Variants in HIBADH observed in about 807,000 individuals in gnomAD.
HIBADH encodes 3-hydroxyisobutyrate dehydrogenase, mitochondrial.
In HIBADH, 25 loss-of-function variants were observed where a neutral mutation model predicts 36.1. The ratio of observed to expected loss-of-function variants is 0.69; its 90% CI spans 0.50 to 0.97. The LOEUF (loss-of-function observed/expected upper bound fraction) is 0.97. Among genes scored for constraint, HIBADH ranks in the 50% least tolerant of loss-of-function variants. HIBADH has a pLI of 0.00. For synonymous variants in HIBADH, 160 were observed against 149.5 expected (o/e 1.07, Z -0.51); for missense variants, 421 against 418.0 (o/e 1.01, Z -0.06).
intron 4 of HIBADH, among the ~76,000 whole-genome samples, chr7:27,568,767 C>T (rs1407641457): frequency 6.6e-6 from 1 of 152,078 alleles, no homozygotes; most frequent in Non-Finnish European, 1.5e-5. Flanking sequence ...CAGCACCCAG[C>T]CAACATTTTT....
chr7:27,611,507 C>T (rs1785321500), intron 4 of HIBADH, among the ~76,000 whole-genome samples: 1 of 120,970 alleles, frequency 8.3e-6, no homozygotes, highest in Admixed American at 8.8e-5. Context: ...CGCACACACA[C>T]ACACCCACCC....
At chr7:27,597,412 C>G (rs140220032) in intron 4 of HIBADH, among the ~76,000 whole-genome samples, 102 of 150,758 alleles carry the variant, frequency 6.8e-4, no homozygotes, top group Non-Finnish European at 1.2e-3. Flanking sequence ...TTATTGGGTA[C>G]CAAAGTGTAG....
At chr7:27,549,322 C>T (rs550965767) in intron 4 of HIBADH, among the ~76,000 whole-genome samples, 3 of 152,180 alleles carry the variant, frequency 2.0e-5, no homozygotes, top group East Asian at 1.9e-4. Context: ...TTAATTAGTT[C>T]GGTTTAGCCA....
intron 4 of HIBADH, among the ~76,000 whole-genome samples, chr7:27,599,268 T>C (rs1208741139): frequency 6.6e-6 from 1 of 152,128 alleles, no homozygotes; most frequent in Non-Finnish European, 1.5e-5. Context: ...AGGATTAAAA[T>C]GAAAGAACAT....
Position 27,558,575 on chromosome 7 carries a change from C to T in HIBADH, c.485-15475G>A, listed in dbSNP as rs75673287. Reference sequence around the variant, plus strand: ...CTCCTAAGCTCAAGCAATCCACCTGCGGTCCCAGCTACATAGGAGGCTGAG... The same window carrying T: ...CTCCTAAGCTCAAGCAATCCACCTGTGGTCCCAGCTACATAGGAGGCTGAG... On this transcript the variant is annotated intron_variant, in intron 4 of 7. Transcript: ENST00000265395. Among the ~76,000 whole-genome samples, 746 of 152,154 alleles carry T rather than the reference C, an allele frequency of 4.9e-3. 1 individual carries two copies. The highest frequency in any genetic ancestry group is 7.6e-3 in the Non-Finnish European group (516 of 67,988).
At chr7:27,566,945 G>A (rs1784555789) in intron 4 of HIBADH, among the ~76,000 whole-genome samples, 1 of 152,116 alleles carries the variant, frequency 6.6e-6, no homozygotes, top group Non-Finnish European at 1.5e-5. Flanking sequence ...GGGTGGTTTT[G>A]ATCCAGGATA....
intron 2 of HIBADH, among the ~76,000 whole-genome samples, chr7:27,633,626 T>A (rs1320406045): frequency 6.6e-6 from 1 of 152,054 alleles, no homozygotes; most frequent in Non-Finnish European, 1.5e-5. Flanking sequence ...GCCACCATAC[T>A]CCAGCCTGCC....
chr7:27,660,935 T>C (rs1277016279), intron 1 of HIBADH, among the ~76,000 whole-genome samples: 1 of 152,104 alleles, frequency 6.6e-6, no homozygotes, highest in Non-Finnish European at 1.5e-5. Context: ...AAAAGGTACA[T>C]CAAGGGTTCA....
intron 3 of HIBADH, among the ~76,000 whole-genome samples, chr7:27,630,146 A>G (rs1181907529): frequency 6.6e-6 from 1 of 152,186 alleles, no homozygotes. Flanking sequence ...GGCAGTGTCT[A>G]TCTTCACTAG....
rs182955028 is a variant in HIBADH at position 27,552,001 on chromosome 7, C to A, written c.485-8901G>T. On this transcript the variant is annotated intron_variant, in intron 4 of 7. Coordinates refer to ENST00000265395, the MANE Select transcript of HIBADH (RefSeq NM_152740.4). ...CTATGGTGTCTCTATTGTTTACCAG[C>A]GACATTCGCAGAAAAAGGCGACAGC... Among the ~76,000 whole-genome samples, 458 of 152,284 alleles carry A rather than the reference C, an allele frequency of 3.0e-3. 2 individuals are homozygous for A. Among genetic ancestry groups the A allele is most frequent in the Non-Finnish European group, 5.2e-3 (354 of 68,032 alleles).
At chr7:27,597,727 C>G (rs1785054947) in intron 4 of HIBADH, among the ~76,000 whole-genome samples, 1 of 152,088 alleles carries the variant, frequency 6.6e-6, no homozygotes, top group African/African-American at 2.4e-5. Flanking sequence ...CTGCTGCTAT[C>G]TTATTTTGCT....
chr7:27,545,158 T>G (rs1784218680), intron 4 of HIBADH, among the ~76,000 whole-genome samples: 1 of 152,168 alleles, frequency 6.6e-6, no homozygotes, highest in Non-Finnish European at 1.5e-5. Context: ...AGACCTAAAT[T>G]AGCTAGGCAT....
intron 5 of HIBADH, among the ~76,000 whole-genome samples, chr7:27,541,415 G>GT (rs1784149932): frequency 1.3e-5 from 2 of 152,064 alleles, no homozygotes; most frequent in South Asian, 4.1e-4. Flanking sequence ...CATATTAGAT[G>GT]TAAGTATGCC....
intron 4 of HIBADH, among the ~76,000 whole-genome samples, chr7:27,593,836 A>G (rs1784982376): frequency 1.3e-5 from 2 of 152,010 alleles, no homozygotes. Context: ...TCAAATTAAT[A>G]TATAGAAATC....
intron 4 of HIBADH, among the ~76,000 whole-genome samples, chr7:27,552,721 A>G (rs1436890564): frequency 6.6e-6 from 1 of 152,214 alleles, no homozygotes; most frequent in Non-Finnish European, 1.5e-5. Context: ...AATCTGCAGG[A>G]AGAATACTAA....
At chr7:27,567,432 G>A (rs1260090157) in intron 4 of HIBADH, among the ~76,000 whole-genome samples, 2 of 152,034 alleles carry the variant, frequency 1.3e-5, no homozygotes, top group Non-Finnish European at 2.9e-5. Flanking sequence ...AATCCAATCT[G>A]ATAATATCGT....
At chr7:27,640,097 T>C (rs1002516354) in intron 2 of HIBADH, among the ~76,000 whole-genome samples, 4 of 152,244 alleles carry the variant, frequency 2.6e-5, no homozygotes, top group Non-Finnish European at 5.9e-5. Flanking sequence ...GGCATTTTTG[T>C]TCCTGACTAG....
At chr7:27,557,888 A>G (rs932175951) in intron 4 of HIBADH, among the ~76,000 whole-genome samples, 3 of 152,202 alleles carry the variant, frequency 2.0e-5, no homozygotes, top group Non-Finnish European at 4.4e-5. Flanking sequence ...AAGACTACAT[A>G]AGATTTGTCT....
At chr7:27,655,632 C>A (rs930573945) in intron 1 of HIBADH, among the ~76,000 whole-genome samples, 1 of 151,874 alleles carries the variant, frequency 6.6e-6, no homozygotes, top group African/African-American at 2.4e-5. Context: ...TAACACATGA[C>A]AAAAATAGAG....
Sources: gnomAD v4.1 joint callset for allele counts (sites outside exome capture counted in the v4.1 genomes callset) on GRCh38, gnomAD v4.1.1 for gene constraint, MANE v1.5 for transcripts, NCBI Gene and HGNC (gene_info 2026-07-23, HGNC 2026-07-21) for gene names.